The following FAM76B variants were observed in gnomAD, a reference collection of about 807,000 sequenced individuals.
The protein encoded by FAM76B is protein FAM76B.
FAM76B carries 16 observed loss-of-function variants against 51.8 expected under a neutral mutation model. The ratio of observed to expected loss-of-function variants is 0.31; its 90% CI spans 0.21 to 0.47. The LOEUF (loss-of-function observed/expected upper bound fraction) is 0.47. Among genes scored for constraint, FAM76B ranks in the 20% least tolerant of loss-of-function variants. FAM76B has a pLI of 1.00. For synonymous variants in FAM76B, 166 were observed against 129.5 expected, an observed-to-expected ratio of 1.28 and a Z score of -1.91; for missense variants, 342 against 392.6, an observed-to-expected ratio of 0.87 and a Z score of 1.09.
chr11:95,773,458 C>CAAAAAAAAAAA (rs56008636), intron 9 of FAM76B, among the ~76,000 whole-genome samples: 1 of 127,832 alleles, frequency 7.8e-6, no homozygotes, highest in Non-Finnish European at 1.7e-5. Flanking sequence ...TGCAGCCAGC[C>CAAAAAAAAAAA]AAAAAAAAAA....
chr11:95,787,682 A>T lies in FAM76B; in HGVS notation c.153-4T>A. On this transcript the variant is annotated splice_region_variant and splice_polypyrimidine_tract_variant and intron_variant, in intron 2 of 9. Transcript: ENST00000358780. ...CTTACAAATTGTGTTAGTTTTGCTG[A>T]AAAATAAATTGTATATAGATCATGT... 2 of 1,602,072 alleles carry T rather than the reference A, an allele frequency of 1.2e-6. No homozygotes were observed. The highest frequency in any genetic ancestry group is 1.7e-6 in the Non-Finnish European group (2 of 1,172,066).
At chr11:95,774,008 C>T (rs528755328) in intron 9 of FAM76B, among the ~76,000 whole-genome samples, 3 of 151,240 alleles carry the variant, frequency 2.0e-5, no homozygotes, top group African/African-American at 7.2e-5. Flanking sequence ...GTAAAGAATC[C>T]TACTAGTATC....
chr11:95,780,844 G>A (rs540806865), intron 5 of FAM76B, among the ~76,000 whole-genome samples: 1 of 151,938 alleles, frequency 6.6e-6, no homozygotes, highest in South Asian at 2.1e-4. Flanking sequence ...AAATCACTTA[G>A]TACAGTGCTA....
intron 5 of FAM76B, 83 bp from the exon 6 acceptor site, chr11:95,780,009 A>C: frequency 7.9e-7 from 1 of 1,261,492 alleles, no homozygotes; most frequent in African/African-American, 1.5e-5. Flanking sequence ...CAATGGATAC[A>C]AATTTTATGT....
At chr11:95,789,185 G>A (rs1221020765) in intron 1 of FAM76B, 4 of 1,019,270 alleles carry the variant, frequency 3.9e-6, no homozygotes, top group African/African-American at 1.6e-5. Flanking sequence ...GCCTGGAAAA[G>A]GGCACGATTC....
At chr11:95,779,068 A>AAAT in intron 7 of FAM76B, 111 bp from the exon 8 acceptor site, 1 of 1,591,932 alleles carries the variant, frequency 6.3e-7, no homozygotes, top group East Asian at 2.2e-5. Context: ...TAATGCAAAA[A>AAAT]AATATGTACC....
At chr11:95,786,884 T>C (rs1409995905) in intron 3 of FAM76B, 5 of 152,306 alleles carry the variant, frequency 3.3e-5, no homozygotes, top group African/African-American at 4.8e-5. Flanking sequence ...TGGTATAATA[T>C]ACCTATAATG....
chr11:95,783,548 G>A (rs1407119091), intron 4 of FAM76B, among the ~76,000 whole-genome samples: 1 of 152,078 alleles, frequency 6.6e-6, no homozygotes, highest in Non-Finnish European at 1.5e-5. Flanking sequence ...TCTTATTCCA[G>A]GAGAATAAGC....
intron 1 of FAM76B, chr11:95,788,944 T>C (rs1591030766): frequency 1.5e-6 from 2 of 1,347,686 alleles, no homozygotes; most frequent in Non-Finnish European, 1.9e-6. Context: ...GTCGCTTCGC[T>C]TTCCTGGACA....
chr11:95,779,986 T>G, intron 5 of FAM76B, 60 bp from the exon 6 acceptor site: 1 of 1,448,560 alleles, frequency 6.9e-7, no homozygotes, highest in South Asian at 1.3e-5. Flanking sequence ...CATCTAAATT[T>G]AACATTCTTT....
At chr11:95,775,145 CTAATTT>C (rs1316272901) in intron 9 of FAM76B, among the ~76,000 whole-genome samples, 1 of 151,394 alleles carries the variant, frequency 6.6e-6, no homozygotes, top group Non-Finnish European at 1.5e-5. Context: ...TTACTAAAGA[CTAATTT>C]TACAAATGTG....
At chr11:95,784,338 T>C (rs754137283) in intron 4 of FAM76B, among the ~76,000 whole-genome samples, 3 of 151,974 alleles carry the variant, frequency 2.0e-5, no homozygotes, top group Non-Finnish European at 4.4e-5. Context: ...CTAATAGGTA[T>C]TAGGGTTAAT....
chr11:95,789,522 G>A lies in FAM76B; in HGVS notation c.-44C>T, dbSNP rs774626628. 1.0e-5 allele frequency: 16 copies of A among 1,541,030 alleles called. No homozygotes were observed. The highest frequency in any genetic ancestry group is 1.4e-5 in the African/African-American group (1 of 71,790). On this transcript the variant is annotated 5_prime_UTR_variant, in exon 1 of 10. Coordinates refer to ENST00000358780, the MANE Select transcript of FAM76B (RefSeq NM_144664.5). ...CCTCCGCCGCCGCCCGCTCCGAGGC[G>A]GGGCCCTACGGAGAACCCGAGAGCC... is the stretch of plus-strand genomic sequence containing the variant.
intron 3 of FAM76B, chr11:95,786,485 C>T (rs900118755): frequency 2.2e-6 from 1 of 463,646 alleles, no homozygotes; most frequent in Non-Finnish European, 3.8e-6. Context: ...GTAACTATTA[C>T]TCTAAGATCG....
At chr11:95,775,501 C>T (rs1859958825) in intron 9 of FAM76B, among the ~76,000 whole-genome samples, 1 of 151,456 alleles carries the variant, frequency 6.6e-6, no homozygotes, top group South Asian at 2.1e-4. Flanking sequence ...ACTCCAGGTC[C>T]TTAAGAATTG....
intron 9 of FAM76B, among the ~76,000 whole-genome samples, chr11:95,775,699 G>C (rs1182522648): frequency 6.6e-6 from 1 of 151,350 alleles, no homozygotes; most frequent in East Asian, 1.9e-4. Context: ...TGAAGTTTAG[G>C]CAAAAGTTTT....
In FAM76B at chr11:95,769,501, C is replaced by T. The variant is rs1859677196; in HGVS notation, c.*2060G>A. ...GAATTACCTTCCATTTTAATGTTAG[C>T]TAATATTAATATTCAACTTTTTAAT... On this transcript the variant is annotated 3_prime_UTR_variant, in exon 10 of 10. Coordinates refer to ENST00000358780, the MANE Select transcript of FAM76B (RefSeq NM_144664.5). The T allele has an allele frequency of 6.6e-6, 1 of 152,048 alleles. No individual in the cohort carries two copies. Among genetic ancestry groups the T allele is most frequent in the Non-Finnish European group, 1.5e-5 (1 of 67,742 alleles). 9.4% of individuals were successfully genotyped at this position (152,048 alleles called of 1,614,324 possible). A position where few individuals can be genotyped will look rare whatever the true frequency, so the allele number is the denominator to read the frequency against.
At chr11:95,786,518 C>A in intron 3 of FAM76B, 1 of 388,158 alleles carries the variant, frequency 2.6e-6, no homozygotes, top group Non-Finnish European at 4.6e-6. Flanking sequence ...TTGTGATTTG[C>A]ATAGTCTGTT....
chr11:95,782,567 T>G (rs1860331871), intron 5 of FAM76B, among the ~76,000 whole-genome samples: 1 of 152,118 alleles, frequency 6.6e-6, no homozygotes, highest in South Asian at 2.1e-4. Flanking sequence ...TATCATTAGT[T>G]AAAAATATTG....
Sources: gnomAD v4.1 joint callset for allele counts (sites outside exome capture counted in the v4.1 genomes callset) on GRCh38, gnomAD v4.1.1 for gene constraint, MANE v1.5 for transcripts, NCBI Gene and HGNC (gene_info 2026-07-23, HGNC 2026-07-21) for gene names.